Variants in NRG3 observed in about 807,000 individuals in gnomAD.
The protein encoded by NRG3 is pro-neuregulin-3, membrane-bound isoform.
In NRG3, 31 loss-of-function variants were observed where a neutral mutation model predicts 66.9. That is an observed-to-expected ratio of 0.46 (90% confidence interval 0.35 to 0.63). The LOEUF (loss-of-function observed/expected upper bound fraction) is 0.63, where lower values mean the gene tolerates loss of function less well. Among genes scored for constraint, NRG3 ranks in the 20% least tolerant of loss-of-function variants. The pLI is 0.00. For missense variants in NRG3, 910 were observed against 878.9 expected, an observed-to-expected ratio of 1.04 and a Z score of -0.45; for synonymous variants, 393 against 359.4, an observed-to-expected ratio of 1.09 and a Z score of -1.06.
intron 1 of NRG3, among the ~76,000 whole-genome samples, chr10:82,220,105 A>C (rs2133763020): frequency 6.6e-6 from 1 of 152,110 alleles, no homozygotes; most frequent in African/African-American, 2.4e-5. Context: ...AAGTGAGATA[A>C]TCATTTTGCT....
At chr10:82,410,828 C>G (rs977212036) in intron 2 of NRG3, among the ~76,000 whole-genome samples, 6 of 152,032 alleles carry the variant, frequency 3.9e-5, no homozygotes, top group African/African-American at 1.4e-4. Context: ...CGTTAGCACT[C>G]TGGAATTAGT....
chr10:82,483,272 T>A (rs1428954046), intron 2 of NRG3, among the ~76,000 whole-genome samples: 6 of 152,174 alleles, frequency 3.9e-5, no homozygotes, highest in Admixed American at 3.9e-4. Context: ...AAACATGATT[T>A]GCATACAGAG....
Position 82,626,473 on chromosome 10 carries a change from A to G in NRG3, c.954-112104A>G, listed in dbSNP as rs185456203. On this transcript the variant is annotated intron_variant, in intron 2 of 8. Coordinates refer to ENST00000372141, the MANE Select transcript of NRG3 (RefSeq NM_001010848.4). ...TCTGAAGTTCTGAAATCACCCACATATTGTGTCATTATCAATGAGAGTATA... is the reference window on the plus strand; with the variant it reads ...TCTGAAGTTCTGAAATCACCCACATGTTGTGTCATTATCAATGAGAGTATA... Among the ~76,000 whole-genome samples the G allele has an allele frequency of 2.2e-4, 33 of 152,232 alleles. No individual in the cohort carries two copies. In the South Asian group the frequency reaches 3.1e-3, roughly 14 times the overall value.
chr10:82,458,392 G>T (rs2091366644), intron 2 of NRG3, among the ~76,000 whole-genome samples: 1 of 152,122 alleles, frequency 6.6e-6, no homozygotes, highest in Admixed American at 6.5e-5. Context: ...CATTTTCAGA[G>T]GTGCCAGGGT....
chr10:82,046,670 G>C (rs1253760923), intron 1 of NRG3, among the ~76,000 whole-genome samples: 1 of 45,440 alleles, frequency 2.2e-5, no homozygotes, highest in African/African-American at 4.4e-5. Flanking sequence ...AATGCTTCCA[G>C]TTTTTGCCCA....
intron 2 of NRG3, among the ~76,000 whole-genome samples, chr10:82,689,113 C>T (rs371116810): frequency 6.6e-6 from 1 of 152,036 alleles, no homozygotes; most frequent in Admixed American, 6.6e-5. Flanking sequence ...CGAGATGGCA[C>T]CTTATAAAAT....
intron 1 of NRG3, among the ~76,000 whole-genome samples, chr10:82,235,951 C>T (rs941936109): frequency 4.6e-5 from 7 of 151,924 alleles, no homozygotes; most frequent in African/African-American, 1.7e-4. Context: ...CATTATTTAG[C>T]ATGGCCCATC....
intron 2 of NRG3, among the ~76,000 whole-genome samples, chr10:82,651,043 G>A (rs2051371726): frequency 6.6e-6 from 1 of 152,166 alleles, no homozygotes; most frequent in Non-Finnish European, 1.5e-5. Context: ...CATATAATTG[G>A]GCTGCTGGTT....
At chr10:82,911,874 A>G (rs1005043451) in intron 4 of NRG3, among the ~76,000 whole-genome samples, 2 of 151,894 alleles carry the variant, frequency 1.3e-5, no homozygotes, top group Non-Finnish European at 2.9e-5. Flanking sequence ...TTCATTAAAT[A>G]TTATAAATTT....
At chr10:82,406,339 T>TA (rs1290739182) in intron 2 of NRG3, among the ~76,000 whole-genome samples, 1 of 152,134 alleles carries the variant, frequency 6.6e-6, no homozygotes, top group Non-Finnish European at 1.5e-5. Context: ...ACAATGATAA[T>TA]ACCTCATATC....
At chr10:82,129,497 A>G (rs963637226) in intron 1 of NRG3, among the ~76,000 whole-genome samples, 3 of 152,182 alleles carry the variant, frequency 2.0e-5, no homozygotes, top group Non-Finnish European at 4.4e-5. Flanking sequence ...AAATAATCAC[A>G]TTAGGGTAAA....
intron 1 of NRG3, among the ~76,000 whole-genome samples, chr10:82,095,229 C>G (rs1301424664): frequency 6.6e-6 from 1 of 151,908 alleles, no homozygotes; most frequent in Non-Finnish European, 1.5e-5. Context: ...GCGAACTAAC[C>G]TAGCAGCCCT....
chr10:82,181,195 G>C (rs989605657), intron 1 of NRG3, among the ~76,000 whole-genome samples: 4 of 151,352 alleles, frequency 2.6e-5, no homozygotes, highest in Admixed American at 6.6e-5. Flanking sequence ...TATCTTTTCA[G>C]AAAACAGCTA....
chr10:82,677,258 G>T (rs951815351), intron 2 of NRG3, among the ~76,000 whole-genome samples: 3 of 151,842 alleles, frequency 2.0e-5, no homozygotes, highest in Non-Finnish European at 4.4e-5. Context: ...TCACCATGTT[G>T]CCCAGGCTGG....
intron 5 of NRG3, among the ~76,000 whole-genome samples, chr10:82,951,832 G>A (rs968129647): frequency 4.6e-5 from 7 of 152,134 alleles, no homozygotes; most frequent in Non-Finnish European, 1.0e-4. Context: ...CAGTGACCAC[G>A]AACATTCTAT....
chr10:81,914,934 A>G (rs756342005), intron 1 of NRG3, among the ~76,000 whole-genome samples: 9 of 152,164 alleles, frequency 5.9e-5, no homozygotes, highest in Non-Finnish European at 1.2e-4. Context: ...TAAGATATGA[A>G]AGTACTTTTA....
chr10:82,953,146 T>C (rs1436427298), intron 5 of NRG3, among the ~76,000 whole-genome samples: 1 of 151,990 alleles, frequency 6.6e-6, no homozygotes, highest in Non-Finnish European at 1.5e-5. Flanking sequence ...TAGGCAACTC[T>C]TGGCTGTGGC....
intron 1 of NRG3, among the ~76,000 whole-genome samples, chr10:82,122,184 A>G (rs375109322): frequency 6.6e-6 from 1 of 152,122 alleles, no homozygotes; most frequent in African/African-American, 2.4e-5. Flanking sequence ...CTATCCCTTT[A>G]TGTTTAATAG....
intron 2 of NRG3, among the ~76,000 whole-genome samples, chr10:82,717,774 A>G (rs985434247): frequency 6.6e-6 from 1 of 152,058 alleles, no homozygotes; most frequent in Non-Finnish European, 1.5e-5. Flanking sequence ...TCTCTCAACC[A>G]AGGGGTTCTT....
Sources: gnomAD v4.1 joint callset for allele counts (sites outside exome capture counted in the v4.1 genomes callset) on GRCh38, gnomAD v4.1.1 for gene constraint, MANE v1.5 for transcripts, NCBI Gene and HGNC (gene_info 2026-07-23, HGNC 2026-07-21) for gene names.